The following CMIP variants were observed in gnomAD, a reference collection of about 807,000 sequenced individuals.
The protein encoded by CMIP is C-Maf-inducing protein.
CMIP carries 13 observed loss-of-function variants against 97.3 expected under a neutral mutation model. The ratio of observed to expected loss-of-function variants is 0.13; its 90% confidence interval spans 0.09 to 0.21. The LOEUF (loss-of-function observed/expected upper bound fraction) is 0.21. CMIP is among the 10% of genes least tolerant of loss of function. The pLI is 1.00. For synonymous variants in CMIP, 538 were observed against 436.3 expected (o/e 1.23, Z -2.91); for missense variants, 847 against 1,024.9 (o/e 0.83, Z 2.37).
At chr16:81,709,650 G>C in intron 20 of CMIP, 96 bp from the exon 21 acceptor site, 1 of 1,399,678 alleles carries the variant, frequency 7.1e-7, no homozygotes, top group Non-Finnish European at 1.0e-6. Flanking sequence ...GAGGGTGGCA[G>C]AGACCCCCAG....
At chr16:81,657,014 T>C (rs2151014231) in intron 4 of CMIP, among the ~76,000 whole-genome samples, 1 of 151,700 alleles carries the variant, frequency 6.6e-6, no homozygotes, top group South Asian at 2.1e-4. Flanking sequence ...ACTAGGTTGC[T>C]CAACTGGTTA....
At chr16:81,451,036 A>G (rs1409883503) in intron 1 of CMIP, among the ~76,000 whole-genome samples, 1 of 152,226 alleles carries the variant, frequency 6.6e-6, no homozygotes, top group Non-Finnish European at 1.5e-5. Context: ...GTTCTGTTGT[A>G]GAAGTGTATC....
At chr16:81,602,975 C>T (rs569557250) in intron 1 of CMIP, among the ~76,000 whole-genome samples, 2 of 152,212 alleles carry the variant, frequency 1.3e-5, no homozygotes, top group Non-Finnish European at 2.9e-5. Context: ...GCCCAAGGAA[C>T]AGCAGCGTTC....
intron 2 of CMIP, among the ~76,000 whole-genome samples, chr16:81,609,585 A>T (rs2091798119): frequency 6.6e-6 from 1 of 152,358 alleles, no homozygotes; most frequent in East Asian, 1.9e-4. Context: ...AATAATGGCT[A>T]AATTAGAGGC....
chr16:81,476,246 G>A, intron 1 of CMIP: 3 of 1,503,186 alleles, frequency 2.0e-6, no homozygotes, highest in South Asian at 2.3e-5. Flanking sequence ...GGACCTGTAT[G>A]CTTTAGGATG....
At chr16:81,510,146 T>C (rs2089783239) in intron 1 of CMIP, among the ~76,000 whole-genome samples, 1 of 152,188 alleles carries the variant, frequency 6.6e-6, no homozygotes, top group South Asian at 2.1e-4. Flanking sequence ...TTGACGACAG[T>C]GACGTCAGCA....
intron 3 of CMIP, among the ~76,000 whole-genome samples, chr16:81,635,787 GA>G (rs2092226890): frequency 6.6e-6 from 1 of 152,086 alleles, no homozygotes; most frequent in African/African-American, 2.4e-5. Context: ...CCATTTGGGG[GA>G]GGGGGGGACA....
chr16:81,625,134 A>C (rs75442499), intron 3 of CMIP, among the ~76,000 whole-genome samples: 3,888 of 152,256 alleles, frequency 0.026, 134 homozygotes, highest in African/African-American at 0.08. Flanking sequence ...TTCTCTGAGC[A>C]GCTCTGCTCT....
intron 20 of CMIP, among the ~76,000 whole-genome samples, chr16:81,709,212 G>A (rs917437091): frequency 6.6e-6 from 1 of 152,150 alleles, no homozygotes; most frequent in African/African-American, 2.4e-5. Context: ...GGGATTTCCT[G>A]GGATCCACGT....
intron 1 of CMIP, among the ~76,000 whole-genome samples, chr16:81,531,274 G>A (rs1048930280): frequency 1.3e-5 from 2 of 152,172 alleles, no homozygotes; most frequent in African/African-American, 4.8e-5. Context: ...GAATGCCAAG[G>A]ATTTTGGCAG....
intron 1 of CMIP, among the ~76,000 whole-genome samples, chr16:81,560,314 G>T (rs2090856270): frequency 6.6e-6 from 1 of 151,360 alleles, no homozygotes; most frequent in Non-Finnish European, 1.5e-5. Flanking sequence ...CGCCTCCCGG[G>T]TTCACGCCAT....
At chr16:81,698,326 C>T (rs748847608) in intron 14 of CMIP, among the ~76,000 whole-genome samples, 4 of 152,226 alleles carry the variant, frequency 2.6e-5, no homozygotes, top group Admixed American at 6.5e-5. Context: ...GGGCCCCCAT[C>T]GCCCATGCAC....
At chr16:81,651,386 G>A (rs1246572121) in intron 3 of CMIP, 9 of 977,150 alleles carry the variant, frequency 9.2e-6, no homozygotes, top group African/African-American at 3.5e-5. Flanking sequence ...AGCAGCCCCT[G>A]TCCCAACCGC....
At chr16:81,656,669 G>C (rs963313638) in intron 4 of CMIP, among the ~76,000 whole-genome samples, 16 of 152,148 alleles carry the variant, frequency 1.1e-4, no homozygotes, top group African/African-American at 3.6e-4. Context: ...AGACAGTCTC[G>C]CTCTGTCGCC....
chr16:81,692,015 G>A lies in CMIP; in HGVS notation c.1454+175G>A, dbSNP rs72831114. ...CCTCAGCTGTGGGACCCCTGGGGAG[G>A]CACATCTTCCCTCAGAAAAATGGGG... On this transcript the variant is annotated intron_variant, in intron 11 of 20. Transcript: ENST00000537098. Among the ~76,000 whole-genome samples the A allele has an allele frequency of 8.3e-3, 1,261 of 152,240 alleles. 9 individuals carry two copies. The highest frequency in any genetic ancestry group is 0.014 in the Non-Finnish European group (930 of 68,010).
intron 10 of CMIP, among the ~76,000 whole-genome samples, chr16:81,687,988 C>T (rs1164520788): frequency 6.6e-6 from 1 of 152,252 alleles, no homozygotes; most frequent in Non-Finnish European, 1.5e-5. Flanking sequence ...TGAGCGAACA[C>T]AAGCAGTGCC....
chr16:81,539,767 CAGT>C (rs2090414445), intron 1 of CMIP, among the ~76,000 whole-genome samples: 1 of 152,232 alleles, frequency 6.6e-6, no homozygotes, highest in Admixed American at 6.5e-5. Flanking sequence ...GCCTCATCTT[CAGT>C]GCCACCTCCA....
chr16:81,474,688 G>C (rs1326738691), intron 1 of CMIP, among the ~76,000 whole-genome samples: 2 of 152,212 alleles, frequency 1.3e-5, no homozygotes, highest in Non-Finnish European at 2.9e-5. Flanking sequence ...TCCGCCTGCG[G>C]AGGGGCCTCA....
At chr16:81,634,047 C>T (rs1335449549) in intron 3 of CMIP, among the ~76,000 whole-genome samples, 1 of 152,196 alleles carries the variant, frequency 6.6e-6, no homozygotes, top group Non-Finnish European at 1.5e-5. Flanking sequence ...AGTGAAGTCC[C>T]AAGACTAGCA....
Sources: allele counts gnomAD v4.1 joint callset (sites outside exome capture counted in the v4.1 genomes callset), GRCh38; gene constraint gnomAD v4.1.1; transcripts MANE v1.5; gene names NCBI Gene and HGNC (gene_info 2026-07-23, HGNC 2026-07-21).